RAD51AP2: variants seen among roughly 807,000 people sequenced by gnomAD.
RAD51AP2 encodes RAD51 associated protein 2.
RAD51AP2 carries 67 observed loss-of-function variants against 85.5 expected under a neutral mutation model. The ratio of observed to expected loss-of-function variants is 0.78; its 90% confidence interval spans 0.64 to 0.96. The LOEUF (loss-of-function observed/expected upper bound fraction) is 0.96. RAD51AP2 is among the 40% of genes least tolerant of loss of function. RAD51AP2 has a pLI of 0.00. For missense variants in RAD51AP2, 1,307 were observed against 1,332.4 expected (o/e 0.98, Z 0.30); for synonymous variants, 474 against 446.5 (o/e 1.06, Z -0.78).
chr2:17,523,690 A>G, the RAD51AP2 span, among the ~76,000 whole-genome samples: 1 of 151,926 alleles, frequency 6.6e-6, no homozygotes, highest in African/African-American at 2.4e-5. Context: ...CTCATTTGAT[A>G]GTTCTTTATG....
chr2:17,533,802 C>G, the RAD51AP2 span, among the ~76,000 whole-genome samples: 6 of 152,156 alleles, frequency 3.9e-5, no homozygotes, highest in Non-Finnish European at 5.9e-5. Flanking sequence ...GTAGTGCTAG[C>G]TACTTGGGAG....
At chr2:17,521,961 T>A (rs1662866192), upstream of RAD51AP2, among the ~76,000 whole-genome samples, 2 of 151,924 alleles carry the variant, frequency 1.3e-5, no homozygotes, top group Admixed American at 6.6e-5. Flanking sequence ...CTGAAATTAA[T>A]CCCCCTTTTA....
At chr2:17,530,761 G>A in the RAD51AP2 span, among the ~76,000 whole-genome samples, 12 of 151,938 alleles carry the variant, frequency 7.9e-5, no homozygotes, top group Admixed American at 3.3e-4. Context: ...CTTCAATAAC[G>A]GGAGAAAGAA....
intron 2 of RAD51AP2, among the ~76,000 whole-genome samples, chr2:17,513,722 G>C (rs1558434099): frequency 6.6e-6 from 1 of 152,104 alleles, no homozygotes; most frequent in African/African-American, 2.4e-5. Context: ...TATTAGATGT[G>C]TAAACTAGGC....
At chr2:17,511,970 T>A (rs2103303296) in intron 2 of RAD51AP2, among the ~76,000 whole-genome samples, 1 of 152,172 alleles carries the variant, frequency 6.6e-6, no homozygotes, top group Non-Finnish European at 1.5e-5. Flanking sequence ...ACAAAGGGAT[T>A]GTTTAAATAA....
At chr2:17,529,708 G>A in the RAD51AP2 span, among the ~76,000 whole-genome samples, 1 of 152,192 alleles carries the variant, frequency 6.6e-6, no homozygotes, top group Non-Finnish European at 1.5e-5. Context: ...AAATTGAAAT[G>A]AAGAAAATAT....
chr2:17,514,832 G>A (rs1218290438), intron 1 of RAD51AP2, among the ~76,000 whole-genome samples: 1 of 151,846 alleles, frequency 6.6e-6, no homozygotes, highest in Non-Finnish European at 1.5e-5. Context: ...GAGAGCAAAG[G>A]CAGTCTGAGC....
In RAD51AP2 at chr2:17,515,653, AT is replaced by A. The variant is rs766415253; in HGVS notation, c.2762del (p.Asn921MetfsTer15). 1.9e-6 allele frequency: 3 copies of A among 1,612,776 alleles called. No individual in the cohort carries two copies. The African/African-American group carries it at 4.0e-5, about 21-fold the overall frequency. ...GATGATTAATATATAATGCAGAGTC[AT>A]TCTTTCTGTGAAAATCCTTTGAATT... ...IANSKDFHRK[N>X]DSALYINHQF... is the part of the protein sequence containing the mutation. On this transcript the variant is annotated frameshift_variant, in exon 1 of 3. Coordinates refer to ENST00000399080, the MANE Select transcript of RAD51AP2 (RefSeq NM_001099218.3). LOFTEE classifies it high-confidence loss of function.
At chr2:17,521,205 A>G (rs1394079795), upstream of RAD51AP2, among the ~76,000 whole-genome samples, 2 of 152,056 alleles carry the variant, frequency 1.3e-5, no homozygotes, top group Non-Finnish European at 2.9e-5. Context: ...AAGTGCCTTA[A>G]GTTTCTTGTT....
chr2:17,513,566 T>C (rs922875760), intron 2 of RAD51AP2, among the ~76,000 whole-genome samples: 1 of 152,130 alleles, frequency 6.6e-6, no homozygotes, highest in Admixed American at 6.5e-5. Flanking sequence ...ATCGAAAGTA[T>C]AAACATCAGT....
chr2:17,513,385 C>T (rs1212091165), intron 2 of RAD51AP2, among the ~76,000 whole-genome samples: 1 of 151,580 alleles, frequency 6.6e-6, no homozygotes, highest in Non-Finnish European at 1.5e-5. Flanking sequence ...CTACAGGTGC[C>T]CACCACCATG....
At chr2:17,527,174 G>C in the RAD51AP2 span, among the ~76,000 whole-genome samples, 7 of 152,150 alleles carry the variant, frequency 4.6e-5, no homozygotes, top group Non-Finnish European at 7.4e-5. Context: ...TGTTCATTTT[G>C]TGATAATTCA....
Position 17,517,539 on chromosome 2 carries a change from A to G in RAD51AP2, c.877T>C (p.Phe293Leu). ...NDKKEAYVRDFTNIYWSQNRP... is the reference protein window; with the variant it reads ...NDKKEAYVRDLTNIYWSQNRP... ...TTTTGGGACCAGTAAATGTTTGTGA[A>G]ATCCCTAACATATGCCTCTTTTTTG... Residue 293 changes from phenylalanine (F) to leucine (L), a missense_variant, in exon 1 of 3, where the codon TTC becomes CTC. Around this residue, in one of 3 missense-constraint regions of RAD51AP2, gnomAD observed 635 missense variants for 643.6 expected, o/e 0.99. Coordinates refer to ENST00000399080, the MANE Select transcript of RAD51AP2 (RefSeq NM_001099218.3). The G allele has an allele frequency of 6.2e-7, 1 of 1,613,628 alleles. No individual in the cohort carries two copies. Among genetic ancestry groups the G allele is most frequent in the South Asian group, 1.1e-5 (1 of 90,958 alleles).
At chr2:17,514,633 C>T (rs1265524600) in intron 1 of RAD51AP2, among the ~76,000 whole-genome samples, 4 of 151,888 alleles carry the variant, frequency 2.6e-5, no homozygotes, top group Non-Finnish European at 4.4e-5. Context: ...AGCTGGGTGT[C>T]GTGGCAGTCG....
At chr2:17,521,723 A>G (rs184549289), upstream of RAD51AP2, among the ~76,000 whole-genome samples, 1 of 152,174 alleles carries the variant, frequency 6.6e-6, no homozygotes, top group African/African-American at 2.4e-5. Context: ...GGTAATTTGT[A>G]ACATAAATAA....
chr2:17,525,101 A>G, the RAD51AP2 span, among the ~76,000 whole-genome samples: 1 of 152,002 alleles, frequency 6.6e-6, no homozygotes, highest in Non-Finnish European at 1.5e-5. Flanking sequence ...GAATCTGGTT[A>G]CAAGAAGGCT....
chr2:17,519,900 G>A (rs1166593008), upstream of RAD51AP2, among the ~76,000 whole-genome samples: 1 of 152,094 alleles, frequency 6.6e-6, no homozygotes, highest in Non-Finnish European at 1.5e-5. Context: ...TAATTGGTGC[G>A]CTAGTGTGAT....
the RAD51AP2 span, among the ~76,000 whole-genome samples, chr2:17,529,547 C>T: frequency 5.3e-5 from 8 of 152,062 alleles, no homozygotes; most frequent in African/African-American, 1.9e-4. Flanking sequence ...GAATCAGGAA[C>T]TTAGCATTCT....
At position 17,515,256 on chromosome 2, in the gene RAD51AP2, G is replaced by T; in HGVS notation, c.3160C>A (p.Pro1054Thr). Residue 1054 changes from proline to threonine, a missense_variant, in exon 1 of 3, where the codon CCC (proline) becomes ACC (threonine). Around this residue, in one of 3 missense-constraint regions of RAD51AP2, gnomAD observed 668 missense variants for 671.0 expected, o/e 1.00. Transcript: ENST00000399080. ...GGAACTTCCTGTTCTCCATTATTGG[G>T]TACAGTTTTCCATTTAAATAAACTT... ...HQSLFKWKTV[P>T]NNGEQEVPNE... 6.2e-7 allele frequency: 1 copy of T among 1,613,156 alleles called. No homozygotes were observed. Among genetic ancestry groups the T allele is most frequent in the Non-Finnish European group, 8.5e-7 (1 of 1,179,382 alleles).
Sources: allele counts gnomAD v4.1 joint callset (sites outside exome capture counted in the v4.1 genomes callset), GRCh38; gene constraint gnomAD v4.1.1; regional missense constraint gnomAD v4.1.1; transcripts MANE v1.5; gene names NCBI Gene and HGNC (gene_info 2026-07-23, HGNC 2026-07-21).